KCNK9: variants seen among roughly 807,000 people sequenced by gnomAD.
KCNK9 encodes the protein potassium channel subfamily K member 9.
Under a neutral mutation model 10.8 loss-of-function variants are expected in KCNK9, and 1 was observed. The observed-to-expected ratio is 0.09, with a 90% CI of 0.03 to 0.44. The LOEUF (loss-of-function observed/expected upper bound fraction) is 0.44. Among genes scored for constraint, KCNK9 ranks in the 20% least tolerant of loss-of-function variants. The pLI is 0.97. For missense variants in KCNK9, 303 were observed against 515.0 expected, an observed-to-expected ratio of 0.59 and a Z score of 3.98; for synonymous variants, 231 against 222.7, an observed-to-expected ratio of 1.04 and a Z score of -0.33.
At chr8:139,684,252 G>C (rs953585506) in intron 1 of KCNK9, among the ~76,000 whole-genome samples, 4 of 152,160 alleles carry the variant, frequency 2.6e-5, no homozygotes, top group Non-Finnish European at 4.4e-5. Context: ...CTCAGTGAAG[G>C]CATGAGAGTA....
intron 1 of KCNK9, among the ~76,000 whole-genome samples, chr8:139,661,223 T>C (rs1285737675): frequency 6.6e-6 from 1 of 152,210 alleles, no homozygotes; most frequent in East Asian, 1.9e-4. Context: ...GCCATGTGCC[T>C]CTTGCTGTGT....
At chr8:139,682,166 T>C (rs1043427984) in intron 1 of KCNK9, among the ~76,000 whole-genome samples, 1 of 152,216 alleles carries the variant, frequency 6.6e-6, no homozygotes, top group Admixed American at 6.5e-5. Context: ...TGGGCTGCTG[T>C]TTTTCAAGGA....
At chr8:139,615,352 C>T (rs1233018506), downstream of KCNK9, among the ~76,000 whole-genome samples, 3 of 152,152 alleles carry the variant, frequency 2.0e-5, no homozygotes, top group African/African-American at 7.2e-5. Context: ...GATTCTAATG[C>T]TGATTGAGTG....
chr8:139,642,851 CA>C (rs1201047882), intron 1 of KCNK9, among the ~76,000 whole-genome samples: 2 of 152,156 alleles, frequency 1.3e-5, no homozygotes, highest in Non-Finnish European at 2.9e-5. Context: ...ACCTGAGCAG[CA>C]GGGGGTGTTT....
At chr8:139,662,876 G>C (rs936691768) in intron 1 of KCNK9, among the ~76,000 whole-genome samples, 1 of 150,190 alleles carries the variant, frequency 6.7e-6, no homozygotes, top group Admixed American at 6.6e-5. Flanking sequence ...TGGGGGAAGG[G>C]GGGGGGGCTG....
At chr8:139,604,372 G>A (rs1428254211) in intron 2 of KCNK9, among the ~76,000 whole-genome samples, 1 of 152,168 alleles carries the variant, frequency 6.6e-6, no homozygotes, top group East Asian at 1.9e-4. Context: ...GGCTGGAGAG[G>A]CACCCTCCAA....
chr8:139,633,190 CAT>C (rs1336421824), intron 1 of KCNK9, among the ~76,000 whole-genome samples: 2 of 152,126 alleles, frequency 1.3e-5, no homozygotes, highest in African/African-American at 4.8e-5. Context: ...CGAATATACA[CAT>C]GACATGCTTA....
At chr8:139,626,181 C>T (rs565414705) in intron 1 of KCNK9, among the ~76,000 whole-genome samples, 14 of 152,224 alleles carry the variant, frequency 9.2e-5, no homozygotes, top group African/African-American at 1.4e-4. Flanking sequence ...TGCACTCCAG[C>T]GCTCAAGAGC....
intron 1 of KCNK9, among the ~76,000 whole-genome samples, chr8:139,690,941 C>T (rs16911238): frequency 0.06 from 9,204 of 152,282 alleles, 357 homozygotes; most frequent in South Asian, 0.14. Flanking sequence ...GACATCATTC[C>T]TGGCACACTG....
intron 1 of KCNK9, among the ~76,000 whole-genome samples, chr8:139,668,841 G>A (rs1427479282): frequency 6.6e-6 from 1 of 152,222 alleles, no homozygotes; most frequent in African/African-American, 2.4e-5. Context: ...AGGAAGGGCT[G>A]CACATGTCAT....
At chr8:139,603,442 C>T (rs1424543115) in intron 2 of KCNK9, among the ~76,000 whole-genome samples, 1 of 152,212 alleles carries the variant, frequency 6.6e-6, no homozygotes, top group African/African-American at 2.4e-5. Context: ...ACTGCCTCAT[C>T]CACGACTGCC....
chr8:139,700,647 G>C (rs770642287), intron 1 of KCNK9, among the ~76,000 whole-genome samples: 14 of 152,094 alleles, frequency 9.2e-5, no homozygotes, highest in Non-Finnish European at 1.9e-4. Context: ...TCCTCAGATG[G>C]CCTCTGGTCC....
chr8:139,604,181 C>A (rs1167261101), intron 2 of KCNK9, among the ~76,000 whole-genome samples: 1 of 152,180 alleles, frequency 6.6e-6, no homozygotes, highest in East Asian at 1.9e-4. Context: ...TTTAGGTATT[C>A]AGGGAAGGCT....
At chr8:139,685,141 T>G (rs564085103) in intron 1 of KCNK9, among the ~76,000 whole-genome samples, 1 of 152,166 alleles carries the variant, frequency 6.6e-6, no homozygotes, top group Admixed American at 6.6e-5. Flanking sequence ...CAAATGTTCA[T>G]GGAACTCAAC....
At chr8:139,633,276 C>T (rs1815231766) in intron 1 of KCNK9, among the ~76,000 whole-genome samples, 1 of 152,038 alleles carries the variant, frequency 6.6e-6, no homozygotes, top group African/African-American at 2.4e-5. Flanking sequence ...GCAAGATTAA[C>T]CTGAAGATTG....
At chr8:139,700,227 C>T (rs1024643327) in intron 1 of KCNK9, among the ~76,000 whole-genome samples, 2 of 152,180 alleles carry the variant, frequency 1.3e-5, no homozygotes, top group Admixed American at 6.5e-5. Context: ...TACTAAGTGC[C>T]GGCCACACTG....
Position 139,703,113 on chromosome 8 carries a change from A to G in KCNK9, c.-121T>C. The G allele has an allele frequency of 1.3e-6, 1 of 783,664 alleles. No individual in the cohort carries two copies. The allele number at this position is 783,664 out of a possible 1,614,324, so 48.5% of individuals were successfully genotyped here. On this transcript the variant is annotated 5_prime_UTR_variant, in exon 1 of 2. Transcript: ENST00000520439. This position sits in a 1 kb window ranked among gnomAD's most constrained non-coding sequence, Gnocchi z 6.4. ...CTCCGCCGCCGCCGCCGCCGCCTCC[A>G]AGTTGTAAGCGGCGGCGGCAGCAGC...
At chr8:139,701,278 T>C (rs577816278) in intron 1 of KCNK9, among the ~76,000 whole-genome samples, 123 of 152,220 alleles carry the variant, frequency 8.1e-4, no homozygotes, top group African/African-American at 2.8e-3. Context: ...GCTGATTATG[T>C]AGATAACAGA....
intron 1 of KCNK9, among the ~76,000 whole-genome samples, chr8:139,699,315 C>T (rs1176185405): frequency 6.6e-6 from 1 of 152,092 alleles, no homozygotes; most frequent in Non-Finnish European, 1.5e-5. Flanking sequence ...CCTTACACAC[C>T]ATTTGGCCCC....
Sources: allele counts gnomAD v4.1 joint callset (sites outside exome capture counted in the v4.1 genomes callset), GRCh38; gene constraint gnomAD v4.1.1; non-coding constraint Gnocchi (gnomAD v3.1); transcripts MANE v1.5; gene names NCBI Gene and HGNC (gene_info 2026-07-23, HGNC 2026-07-21).